The following DAB1 variants were observed in gnomAD, a reference collection of about 807,000 sequenced individuals.
DAB1 encodes the protein DAB adaptor protein 1, also known as disabled homolog 1.
In DAB1, 15 loss-of-function variants were observed where a neutral mutation model predicts 64.6. The observed-to-expected ratio is 0.23, with a 90% CI of 0.16 to 0.36. The LOEUF (loss-of-function observed/expected upper bound fraction) is 0.36. Among genes scored for constraint, DAB1 ranks in the 10% least tolerant of loss-of-function variants. DAB1 has a pLI of 1.00. For missense variants in DAB1, 596 were observed against 706.7 expected (o/e 0.84, Z 1.78); for synonymous variants, 235 against 251.9 (o/e 0.93, Z 0.64).
At chr1:57,114,587 C>T (rs1468466918) in intron 4 of DAB1, among the ~76,000 whole-genome samples, 3 of 152,152 alleles carry the variant, frequency 2.0e-5, no homozygotes, top group East Asian at 3.9e-4. Flanking sequence ...TTTGCTGCAT[C>T]GATTAGCACT....
chr1:58,529,727 T>C (rs538191572), intron 1 of DAB1, among the ~76,000 whole-genome samples: 46 of 152,232 alleles, frequency 3.0e-4, no homozygotes, highest in African/African-American at 1.0e-3. Context: ...AGAAAATATC[T>C]ACGAAAAAAC....
intron 3 of DAB1, among the ~76,000 whole-genome samples, chr1:58,504,556 G>T (rs1645956921): frequency 6.6e-6 from 1 of 151,934 alleles, no homozygotes; most frequent in Admixed American, 6.6e-5. Flanking sequence ...CATACTATAT[G>T]TTTGTTTCTT....
chr1:57,450,693 T>C (rs1485748063), intron 7 of DAB1, among the ~76,000 whole-genome samples: 1 of 152,250 alleles, frequency 6.6e-6, no homozygotes, highest in East Asian at 1.9e-4. Flanking sequence ...TCTGGGGTGC[T>C]AATTTACAGT....
chr1:58,409,378 T>A (rs1001689023), intron 3 of DAB1, among the ~76,000 whole-genome samples: 1 of 152,122 alleles, frequency 6.6e-6, no homozygotes, highest in Non-Finnish European at 1.5e-5. Flanking sequence ...GAATTGAGGA[T>A]CCTGGTTCTT....
intron 5 of DAB1, among the ~76,000 whole-genome samples, chr1:58,033,451 C>T (rs1366337637): frequency 6.6e-6 from 1 of 152,182 alleles, no homozygotes; most frequent in Admixed American, 6.5e-5. Context: ...TCTTCTATCA[C>T]TTACCCTGTT....
intron 5 of DAB1, among the ~76,000 whole-genome samples, chr1:58,000,615 G>A (rs1231999618): frequency 7.5e-6 from 1 of 134,190 alleles, no homozygotes; most frequent in Non-Finnish European, 1.5e-5. Flanking sequence ...CTGTCAGCCA[G>A]GCTGGAGTGC....
upstream of DAB1, among the ~76,000 whole-genome samples, chr1:57,424,730 A>G (rs1398820146): frequency 6.6e-6 from 1 of 152,210 alleles, no homozygotes; most frequent in Non-Finnish European, 1.5e-5. Flanking sequence ...CCGCCAGTGC[A>G]GGTTCGGCGG....
chr1:58,180,267 CTTTT>C (rs1194922772), intron 4 of DAB1, among the ~76,000 whole-genome samples: 6 of 72,638 alleles, frequency 8.3e-5, no homozygotes, highest in South Asian at 8.8e-4. Context: ...TTTCTTTTTT[CTTTT>C]TTTTCTTTTC....
At chr1:58,022,456 A>G (rs1036590506) in intron 5 of DAB1, among the ~76,000 whole-genome samples, 1 of 152,184 alleles carries the variant, frequency 6.6e-6, no homozygotes, top group Admixed American at 6.5e-5. Flanking sequence ...CCTGAGTTTG[A>G]GTACAGATTT....
chr1:58,056,836 A>C (rs1179949242), intron 5 of DAB1, among the ~76,000 whole-genome samples: 2 of 152,012 alleles, frequency 1.3e-5, no homozygotes, highest in African/African-American at 4.8e-5. Flanking sequence ...CTCAACCAAA[A>C]GTCACTGCTC....
At chr1:57,238,590 A>G (rs1341512019) in intron 2 of DAB1, among the ~76,000 whole-genome samples, 1 of 152,100 alleles carries the variant, frequency 6.6e-6, no homozygotes, top group Non-Finnish European at 1.5e-5. Flanking sequence ...CTGGGTATCA[A>G]TCCTCTTGGT....
At chr1:58,411,091 C>T (rs1644663288) in intron 3 of DAB1, among the ~76,000 whole-genome samples, 1 of 152,210 alleles carries the variant, frequency 6.6e-6, no homozygotes, top group East Asian at 1.9e-4. Flanking sequence ...CAGGCCTCTG[C>T]ATGAATAACT....
chr1:57,485,340 T>C (rs999607076), intron 7 of DAB1, among the ~76,000 whole-genome samples: 5 of 152,188 alleles, frequency 3.3e-5, no homozygotes, highest in Non-Finnish European at 7.3e-5. Flanking sequence ...GCATTGTAAC[T>C]CTGAATGTAT....
At chr1:57,155,379 G>A (rs2100861247) in intron 2 of DAB1, among the ~76,000 whole-genome samples, 1 of 152,164 alleles carries the variant, frequency 6.6e-6, no homozygotes, top group Middle Eastern at 3.4e-3. Context: ...TGTTCCATTG[G>A]TCTATGTGTC....
At chr1:57,629,088 G>A (rs940063221) in intron 7 of DAB1, among the ~76,000 whole-genome samples, 3 of 152,224 alleles carry the variant, frequency 2.0e-5, no homozygotes, top group African/African-American at 7.2e-5. Context: ...ACATAAATAT[G>A]TAACAATGCA....
At chr1:58,297,916 T>C (rs1662030169) in intron 4 of DAB1, among the ~76,000 whole-genome samples, 2 of 152,176 alleles carry the variant, frequency 1.3e-5, no homozygotes, top group Admixed American at 6.5e-5. Context: ...AGAAAGAATG[T>C]GTCTATAGTG....
intron 7 of DAB1, among the ~76,000 whole-genome samples, chr1:57,587,968 T>C (rs1046889612): frequency 6.6e-6 from 1 of 152,200 alleles, no homozygotes; most frequent in Admixed American, 6.5e-5. Flanking sequence ...GCCATTTCCT[T>C]ACCCACTATC....
At chr1:57,926,182 C>T (rs1272556153) in intron 5 of DAB1, among the ~76,000 whole-genome samples, 1 of 152,282 alleles carries the variant, frequency 6.6e-6, no homozygotes, top group East Asian at 1.9e-4. Context: ...TTTCCTTCTC[C>T]ACAGAATGGC....
chr1:57,451,169 C>G (rs1686340222), intron 7 of DAB1, among the ~76,000 whole-genome samples: 1 of 152,164 alleles, frequency 6.6e-6, no homozygotes, highest in African/African-American at 2.4e-5. Flanking sequence ...CCAGCTTTGA[C>G]ACACCCCTGC....
Sources: allele counts gnomAD v4.1 joint callset (sites outside exome capture counted in the v4.1 genomes callset), GRCh38; gene constraint gnomAD v4.1.1; transcripts MANE v1.5; gene names NCBI Gene and HGNC (gene_info 2026-07-23, HGNC 2026-07-21).